PYGL: variants seen among roughly 807,000 people sequenced by gnomAD.
The protein encoded by PYGL is glycogen phosphorylase L, also known as glycogen phosphorylase, liver form.
A neutral mutation model predicts 100.1 loss-of-function variants in PYGL; 90 were observed. That is an observed-to-expected ratio of 0.90 (90% CI 0.76 to 1.07). The LOEUF (loss-of-function observed/expected upper bound fraction) is 1.07, where lower values mean the gene tolerates loss of function less well. PYGL is among the 50% of genes least tolerant of loss of function. The pLI is 0.00. For missense variants in PYGL, 1,016 were observed against 1,057.6 expected (o/e 0.96, Z 0.55); for synonymous variants, 373 against 393.0 (o/e 0.95, Z 0.60).
rs776466791 is a variant in PYGL at position 50,915,321 on chromosome 14, G to A, written c.1403+15C>T. On this transcript the variant is annotated intron_variant, in intron 11 of 19. Transcript: ENST00000216392. Reference sequence around the variant, plus strand: ...GATCAGTGTCAGACCCACTGCCAGAGTAATGGAGGCTCACACTTTAGTCTT... The same window carrying A: ...GATCAGTGTCAGACCCACTGCCAGAATAATGGAGGCTCACACTTTAGTCTT... The A allele has an allele frequency of 3.1e-6, 5 of 1,613,738 alleles. No homozygotes were observed. Among genetic ancestry groups the A allele is most frequent in the South Asian group, 2.2e-5 (2 of 91,074 alleles).
chr14:50,938,463 C>T (rs759976131), intron 1 of PYGL, among the ~76,000 whole-genome samples: 7 of 152,194 alleles, frequency 4.6e-5, no homozygotes, highest in African/African-American at 4.8e-5. Context: ...CCGCCCACCT[C>T]GGCCTCCCAA....
chr14:50,906,944 G>C (rs2050341878), intron 19 of PYGL, among the ~76,000 whole-genome samples: 1 of 152,228 alleles, frequency 6.6e-6, no homozygotes, highest in South Asian at 2.1e-4. Context: ...TAGGATGACA[G>C]TAGGAACTAC....
At chr14:50,930,347 G>A (rs11851482) in intron 4 of PYGL, among the ~76,000 whole-genome samples, 9,067 of 152,182 alleles carry the variant, frequency 0.06, 384 homozygotes, top group African/African-American at 0.12. Context: ...TGGTAACCTA[G>A]TTGAGACAGC....
chr14:50,905,642 A>AT, intron 19 of PYGL, 86 bp from the exon 20 acceptor site: 5 of 1,272,250 alleles, frequency 3.9e-6, no homozygotes, highest in Non-Finnish European at 5.7e-6. Flanking sequence ...ATCCAAACAC[A>AT]TTTCATGAGG....
chr14:50,911,606 T>G, intron 16 of PYGL, 124 bp downstream of exon 16: 1 of 1,296,868 alleles, frequency 7.7e-7, no homozygotes, highest in Non-Finnish European at 1.1e-6. Flanking sequence ...GCCCTTATTC[T>G]GCACAAGAGT....
At chr14:50,921,280 A>C (rs1385687596) in intron 5 of PYGL, 47 of 576,096 alleles carry the variant, frequency 8.2e-5, no homozygotes, top group Non-Finnish European at 1.1e-4. Flanking sequence ...CTAGTGACTG[A>C]AACCATCCAC....
chr14:50,944,037 A>G (rs564335815), intron 1 of PYGL, 124 bp downstream of exon 1: 1 of 1,299,524 alleles, frequency 7.7e-7, no homozygotes, highest in Non-Finnish European at 1.1e-6. Context: ...TCTCCTCTGG[A>G]CTTCGGGGCA....
intron 9 of PYGL, 149 bp downstream of exon 9, chr14:50,916,493 A>G (rs2050450585): frequency 1.3e-6 from 1 of 747,042 alleles, no homozygotes; most frequent in South Asian, 1.6e-5. Flanking sequence ...TAAGGATGGA[A>G]AATGTCAGCG....
At chr14:50,924,226 T>C in intron 4 of PYGL, 126 bp from the exon 5 acceptor site, 1 of 1,150,586 alleles carries the variant, frequency 8.7e-7, no homozygotes, top group African/African-American at 1.6e-5. Context: ...GAGTACTGTT[T>C]TGTAACTTTT....
chr14:50,933,399 A>T (rs2050620262), intron 3 of PYGL, among the ~76,000 whole-genome samples: 1 of 152,226 alleles, frequency 6.6e-6, no homozygotes. Context: ...TGTACTAAGG[A>T]TGAAAAAAAT....
intron 5 of PYGL, 58 bp downstream of exon 5, chr14:50,923,911 T>C: frequency 6.5e-7 from 1 of 1,547,504 alleles, no homozygotes; most frequent in African/African-American, 1.4e-5. Context: ...ATAGTCAATG[T>C]ATTATCTACT....
intron 7 of PYGL, among the ~76,000 whole-genome samples, chr14:50,918,104 G>T (rs2050470196): frequency 2.0e-5 from 3 of 152,068 alleles, no homozygotes; most frequent in African/African-American, 7.2e-5. Flanking sequence ...TAATTGTCAG[G>T]GAGATGCAAA....
intron 7 of PYGL, 149 bp downstream of exon 7, chr14:50,920,392 G>A (rs2050488858): frequency 1.2e-6 from 1 of 802,550 alleles, no homozygotes; most frequent in East Asian, 2.9e-5. Flanking sequence ...TGGTTGGGAG[G>A]AGAAATCTAC....
At chr14:50,911,439 G>A (rs371850341) in intron 16 of PYGL, among the ~76,000 whole-genome samples, 40 of 152,320 alleles carry the variant, frequency 2.6e-4, no homozygotes, top group African/African-American at 7.9e-4. Context: ...TTTATAGAGC[G>A]GGTTCTGAAT....
At chr14:50,942,101 A>G (rs1209631953) in intron 1 of PYGL, among the ~76,000 whole-genome samples, 3 of 152,188 alleles carry the variant, frequency 2.0e-5, no homozygotes, top group Non-Finnish European at 4.4e-5. Flanking sequence ...GAGCTTGGAC[A>G]CACCTACTTG....
chr14:50,931,744 G>A lies in PYGL; in HGVS notation c.457C>T (p.Leu153Phe). 6.2e-7 allele frequency: 1 copy of A among 1,613,892 alleles called. No homozygotes were observed. Among genetic ancestry groups the A allele is most frequent in the Non-Finnish European group, 8.5e-7 (1 of 1,179,908 alleles). The change falls in exon 4 of 20, where the codon CTT (leucine) becomes TTT (phenylalanine). Residue 153 changes from leucine (L) to phenylalanine (F), a missense_variant. Physicochemically the swap from Leu to Phe is conservative, Grantham distance 22. Transcript: ENST00000216392. ...CGAATGCCGTATCCATAGGCTGCAAGTCCCAGGGTTGCCATGGAATCCAAG... is the reference window on the plus strand; with the variant it reads ...CGAATGCCGTATCCATAGGCTGCAAATCCCAGGGTTGCCATGGAATCCAAG... Reference protein sequence around the residue: ...CFLDSMATLGLAAYGYGIRYE... With the variant: ...CFLDSMATLGFAAYGYGIRYE...
intron 1 of PYGL, among the ~76,000 whole-genome samples, chr14:50,943,085 A>G (rs2050715373): frequency 6.6e-6 from 1 of 152,000 alleles, no homozygotes; most frequent in South Asian, 2.1e-4. Context: ...GGGATTATAG[A>G]CCATTTTTTT....
chr14:50,909,922 T>C lies in PYGL; in HGVS notation c.2150A>G (p.Asp717Gly), dbSNP rs772464878. ...ENLFIFGMRI[D>G]DVAALDKKGY... The stretch of plus-strand genomic sequence containing the variant: ...TTTCTTGTCCAAAGCAGCCACATCA[T>C]CTATCCTCATGCCAAAGATGAACAG... Residue 717 changes from aspartate (D) to glycine (G), a missense_variant, in exon 17 of 20, where the codon GAT becomes GGT. Coordinates refer to ENST00000216392, the MANE Select transcript of PYGL (RefSeq NM_002863.5). The C allele has an allele frequency of 2.5e-6, 4 of 1,614,202 alleles. No individual in the cohort carries two copies. The South Asian group carries it at 3.3e-5, about 13-fold the overall frequency.
At chr14:50,943,895 G>T (rs780925881) in intron 1 of PYGL, among the ~76,000 whole-genome samples, 6 of 152,266 alleles carry the variant, frequency 3.9e-5, no homozygotes, top group Admixed American at 1.3e-4. Context: ...TTGCCCACCT[G>T]GCGGTTTCCA....
Sources: allele counts gnomAD v4.1 joint callset (sites outside exome capture counted in the v4.1 genomes callset), GRCh38; gene constraint gnomAD v4.1.1; transcripts MANE v1.5; gene names NCBI Gene and HGNC (gene_info 2026-07-23, HGNC 2026-07-21).